ABAT: variants seen among roughly 807,000 people sequenced by gnomAD.
ABAT encodes 4-aminobutyrate aminotransferase.
Under a neutral mutation model 64.6 loss-of-function variants are expected in ABAT, and 45 were observed. The ratio of observed to expected loss-of-function variants is 0.70; its 90% CI spans 0.55 to 0.89. ABAT has a LOEUF of 0.89. Among genes scored for constraint, ABAT ranks in the 40% least tolerant of loss-of-function variants. The probability of loss-of-function intolerance (pLI) is 0.00; values close to 1 mark genes in which losing one functional copy is unlikely to be tolerated. For missense variants in ABAT, 633 were observed against 658.4 expected (o/e 0.96, Z 0.42); for synonymous variants, 297 against 250.5 (o/e 1.19, Z -1.75).
intron 1 of ABAT, among the ~76,000 whole-genome samples, chr16:8,725,928 G>A (rs914793761): frequency 6.6e-6 from 1 of 152,006 alleles, no homozygotes; most frequent in Admixed American, 6.6e-5. Context: ...CCTGCCTCGA[G>A]AACCCCCTCC....
chr16:8,732,234 A>AT (rs2058747726), intron 1 of ABAT, among the ~76,000 whole-genome samples: 3 of 69,784 alleles, frequency 4.3e-5, no homozygotes, highest in Admixed American at 2.9e-4. Context: ...TAATTTATTT[A>AT]TTTTTTATTG....
chr16:8,697,642 G>GTTT (rs60084940), intron 1 of ABAT, among the ~76,000 whole-genome samples: 1 of 149,000 alleles, frequency 6.7e-6, no homozygotes, highest in Non-Finnish European at 1.5e-5. Flanking sequence ...TTGTTTTTTG[G>GTTT]TTTTTTTTTT....
chr16:8,702,882 G>A (rs898813173), intron 1 of ABAT, among the ~76,000 whole-genome samples: 2 of 152,112 alleles, frequency 1.3e-5, no homozygotes, highest in African/African-American at 2.4e-5. Context: ...GACACGGCGG[G>A]AGCCCTGGGG....
At chr16:8,742,103 C>G (rs76292443) in intron 2 of ABAT, among the ~76,000 whole-genome samples, 8,902 of 152,284 alleles carry the variant, frequency 0.058, 879 homozygotes, top group African/African-American at 0.2. Flanking sequence ...TGGACCTGTC[C>G]TCAGCATTCC....
intron 14 of ABAT, among the ~76,000 whole-genome samples, chr16:8,777,569 C>A (rs1641026): frequency 6.6e-6 from 1 of 151,560 alleles, no homozygotes; most frequent in Non-Finnish European, 1.5e-5. Flanking sequence ...ACCGTAAGGA[C>A]GTGTGGGGAT....
intron 1 of ABAT, among the ~76,000 whole-genome samples, chr16:8,702,527 A>G (rs938462930): frequency 6.6e-6 from 1 of 152,162 alleles, no homozygotes. Context: ...TGCTGGGATT[A>G]TAGGCGGGAG....
chr16:8,695,462 C>A (rs2057681416), intron 1 of ABAT, among the ~76,000 whole-genome samples: 1 of 152,186 alleles, frequency 6.6e-6, no homozygotes, highest in African/African-American at 2.4e-5. Flanking sequence ...AACTAGGCAG[C>A]CAGACAGACC....
At position 8,750,550 on chromosome 16, in the gene ABAT, G is replaced by C. The variant is rs1307884364; in HGVS notation, c.316+11G>C. ...CCTCTGTCCCCATAGGTAAGAGCTG[G>C]GAAATCATTCCTTGGATATAACCTC... is the stretch of plus-strand genomic sequence containing the variant. On this transcript the variant is annotated intron_variant, in intron 5 of 15. Coordinates refer to ENST00000268251, the MANE Select transcript of ABAT (RefSeq NM_020686.6). 6.2e-7 allele frequency: 1 copy of C among 1,608,686 alleles called. No homozygotes were observed. Among genetic ancestry groups the C allele is most frequent in the Non-Finnish European group, 8.5e-7 (1 of 1,175,264 alleles).
At chr16:8,738,986 A>T (rs896862931) in intron 2 of ABAT, among the ~76,000 whole-genome samples, 1 of 152,180 alleles carries the variant, frequency 6.6e-6, no homozygotes, top group African/African-American at 2.4e-5. Flanking sequence ...GAAGCATATT[A>T]ATGTTTACCC....
chr16:8,774,051 C>T (rs189096813), intron 12 of ABAT, among the ~76,000 whole-genome samples: 1 of 152,168 alleles, frequency 6.6e-6, no homozygotes, highest in Non-Finnish European at 1.5e-5. Flanking sequence ...GCCTCAGTCT[C>T]CCAAGTAGCT....
Position 8,757,761 on chromosome 16 carries a change from C to T in ABAT, c.321C>T (p.Tyr107=). 6.2e-7 allele frequency: 1 copy of T among 1,614,090 alleles called. No individual in the cohort carries two copies. Among genetic ancestry groups the T allele is most frequent in the South Asian group, 1.1e-5 (1 of 91,086 alleles). The change falls in exon 6 of 16, where the codon TAC becomes TAT. Residue 107 remains tyrosine, a synonymous_variant. Transcript: ENST00000268251. ...YSQISSVPIG[Y]SHPALLKLIQ... is the part of the protein sequence containing the mutation. ...ACAATACTCTCCTGCCCTCAGGTTA[C>T]AGCCACCCCGCCCTGCTGAAACTCA...
At chr16:8,723,298 G>A (rs1245578303) in intron 1 of ABAT, among the ~76,000 whole-genome samples, 1 of 152,180 alleles carries the variant, frequency 6.6e-6, no homozygotes, top group Non-Finnish European at 1.5e-5. Flanking sequence ...CCAGGAGAAG[G>A]ATGATGGCAA....
chr16:8,725,004 C>T (rs1031863231), intron 1 of ABAT, among the ~76,000 whole-genome samples: 18 of 151,676 alleles, frequency 1.2e-4, no homozygotes, highest in Non-Finnish European at 2.2e-4. Flanking sequence ...GCAACCTCCG[C>T]CTCCCGGGTC....
intron 2 of ABAT, among the ~76,000 whole-genome samples, chr16:8,742,821 GCA>G (rs2059201231): frequency 7.0e-6 from 1 of 143,762 alleles, no homozygotes; most frequent in Non-Finnish European, 1.5e-5. Context: ...AGCTGAGATC[GCA>G]CCACTGCATT....
At chr16:8,738,498 C>G (rs932545721) in intron 2 of ABAT, 7 of 455,054 alleles carry the variant, frequency 1.5e-5, no homozygotes, top group Non-Finnish European at 3.1e-5. Flanking sequence ...ATGGCCTCCT[C>G]TGGTCTGTGA....
At chr16:8,681,224 C>A (rs1305517164) in intron 1 of ABAT, among the ~76,000 whole-genome samples, 1 of 151,834 alleles carries the variant, frequency 6.6e-6, no homozygotes, top group East Asian at 1.9e-4. Flanking sequence ...CTCCTAGGAT[C>A]AAGCGATTCT....
chr16:8,691,144 C>T (rs997035596), intron 1 of ABAT, among the ~76,000 whole-genome samples: 3 of 152,140 alleles, frequency 2.0e-5, no homozygotes, highest in Non-Finnish European at 4.4e-5. Context: ...CTTGATGCTA[C>T]AGCCACACCT....
chr16:8,773,991 C>T (rs1038387665), intron 12 of ABAT, among the ~76,000 whole-genome samples: 6 of 152,140 alleles, frequency 3.9e-5, no homozygotes, highest in South Asian at 2.1e-4. Context: ...TGCAGTGGCA[C>T]GATCTTGGCT....
At chr16:8,753,246 ATC>A (rs1567304441) in intron 5 of ABAT, among the ~76,000 whole-genome samples, 1 of 152,082 alleles carries the variant, frequency 6.6e-6, no homozygotes, top group Non-Finnish European at 1.5e-5. Flanking sequence ...GGTGCCCACC[ATC>A]ATGCCTGGCT....
Sources: gnomAD v4.1 joint callset for allele counts (sites outside exome capture counted in the v4.1 genomes callset) on GRCh38, gnomAD v4.1.1 for gene constraint, MANE v1.5 for transcripts, NCBI Gene and HGNC (gene_info 2026-07-23, HGNC 2026-07-21) for gene names.